Variants in TENM2 observed in about 807,000 individuals in gnomAD.
TENM2 encodes teneurin transmembrane protein 2.
A neutral mutation model predicts 245.2 loss-of-function variants in TENM2; 52 were observed. That is an observed-to-expected ratio of 0.21 (90% confidence interval 0.17 to 0.27). The LOEUF is 0.27. Ranked by LOEUF, TENM2 falls within the 10% of genes least tolerant of loss-of-function variation. The pLI, the probability that TENM2 is intolerant of heterozygous loss-of-function variation, is 1.00. For missense variants in TENM2, 3,046 were observed against 3,666.8 expected, an observed-to-expected ratio of 0.83 and a Z score of 4.37; for synonymous variants, 1,363 against 1,438.9, an observed-to-expected ratio of 0.95 and a Z score of 1.19.
intron 1 of TENM2, among the ~76,000 whole-genome samples, chr5:167,314,813 C>G (rs1034162442): frequency 6.6e-6 from 1 of 151,992 alleles, no homozygotes; most frequent in Non-Finnish European, 1.5e-5. Flanking sequence ...ATTTACCTGT[C>G]ACCCATTTCT....
At chr5:168,260,729 A>G (rs752476278) in intron 28 of TENM2, among the ~76,000 whole-genome samples, 9 of 152,214 alleles carry the variant, frequency 5.9e-5, no homozygotes, top group African/African-American at 1.2e-4. Flanking sequence ...TGCACTGCCT[A>G]TAAGATCATA....
chr5:167,608,639 A>T (rs1394347856), intron 2 of TENM2, among the ~76,000 whole-genome samples: 1 of 152,224 alleles, frequency 6.6e-6, no homozygotes, highest in Non-Finnish European at 1.5e-5. Context: ...CACATTTGTC[A>T]CAGGGAGTAA....
chr5:167,714,343 G>A (rs1004877300), intron 2 of TENM2, among the ~76,000 whole-genome samples: 8 of 152,190 alleles, frequency 5.3e-5, no homozygotes, highest in Admixed American at 5.2e-4. Context: ...ATTGGGGAGT[G>A]GGTTTACCCT....
intron 2 of TENM2, among the ~76,000 whole-genome samples, chr5:167,496,444 A>G (rs147981104): frequency 6.6e-6 from 1 of 152,250 alleles, no homozygotes; most frequent in East Asian, 1.9e-4. Flanking sequence ...ACAATCAGTT[A>G]GTAATCCTTT....
intron 19 of TENM2, among the ~76,000 whole-genome samples, chr5:168,209,407 G>A (rs965588509): frequency 3.9e-5 from 6 of 152,170 alleles, no homozygotes; most frequent in Admixed American, 3.9e-4. Flanking sequence ...AACATTGTAG[G>A]GCAGGAGCAT....
the TENM2 span, among the ~76,000 whole-genome samples, chr5:166,987,882 A>G: frequency 6.6e-6 from 1 of 152,198 alleles, no homozygotes; most frequent in Non-Finnish European, 1.5e-5. Flanking sequence ...CAAATGCTCC[A>G]TGGATGAAAA....
intron 1 of TENM2, chr5:167,302,993 C>T (rs183330464): frequency 8.0e-4 from 122 of 152,446 alleles, no homozygotes; most frequent in African/African-American, 2.8e-3. Flanking sequence ...TCCTTTGTCT[C>T]TACCAGAAAA....
intron 19 of TENM2, among the ~76,000 whole-genome samples, chr5:168,209,224 A>G (rs1004700253): frequency 6.6e-6 from 1 of 152,230 alleles, no homozygotes; most frequent in Admixed American, 6.5e-5. Flanking sequence ...GAAAATCTTT[A>G]TCAAGTTTCC....
intron 2 of TENM2, among the ~76,000 whole-genome samples, chr5:167,601,068 T>C (rs904694568): frequency 6.6e-6 from 1 of 152,256 alleles, no homozygotes; most frequent in African/African-American, 2.4e-5. Flanking sequence ...AGAAAAGCCC[T>C]GCCCGTGTGA....
chr5:167,527,940 T>G (rs1771232725), intron 2 of TENM2, among the ~76,000 whole-genome samples: 1 of 152,136 alleles, frequency 6.6e-6, no homozygotes, highest in South Asian at 2.1e-4. Flanking sequence ...CTGAAGCCTC[T>G]AGAGAAATTC....
intron 7 of TENM2, among the ~76,000 whole-genome samples, chr5:168,072,347 C>T (rs934061611): frequency 2.0e-5 from 3 of 152,234 alleles, no homozygotes; most frequent in East Asian, 3.9e-4. Context: ...CATTATGGCT[C>T]GCTTGGTCTT....
At chr5:167,301,741 C>T (rs1371892350) in intron 1 of TENM2, among the ~76,000 whole-genome samples, 1 of 152,116 alleles carries the variant, frequency 6.6e-6, no homozygotes. Context: ...GAAAAAGAGC[C>T]TAAACGCTAT....
intron 27 of TENM2, among the ~76,000 whole-genome samples, chr5:168,257,322 G>A (rs773162314): frequency 1.3e-5 from 2 of 152,200 alleles, no homozygotes; most frequent in African/African-American, 2.4e-5. Flanking sequence ...GGCAGGCAGA[G>A]TCTGAGCAAG....
At chr5:167,185,850 A>G in the TENM2 span, among the ~76,000 whole-genome samples, 1 of 151,924 alleles carries the variant, frequency 6.6e-6, no homozygotes, top group Admixed American at 6.6e-5. Context: ...CTCACTTCAG[A>G]TTTGAGGGTT....
chr5:167,736,656 C>T (rs964087601), intron 2 of TENM2, among the ~76,000 whole-genome samples: 8 of 148,752 alleles, frequency 5.4e-5, no homozygotes, highest in African/African-American at 1.5e-4. Context: ...CAGCCAGTCA[C>T]CTAGGACCTC....
At chr5:167,703,734 T>C (rs1190071399) in intron 2 of TENM2, among the ~76,000 whole-genome samples, 1 of 152,192 alleles carries the variant, frequency 6.6e-6, no homozygotes, top group Non-Finnish European at 1.5e-5. Flanking sequence ...CAAAAATGTA[T>C]AGTCTCATTG....
chr5:167,990,384 C>T (rs1783576419), intron 4 of TENM2, among the ~76,000 whole-genome samples: 2 of 152,304 alleles, frequency 1.3e-5, no homozygotes, highest in South Asian at 4.2e-4. Context: ...CTATGGGACA[C>T]ACCTTGGTTA....
chr5:167,122,455 C>A, the TENM2 span, among the ~76,000 whole-genome samples: 1 of 152,156 alleles, frequency 6.6e-6, no homozygotes, highest in Non-Finnish European at 1.5e-5. Flanking sequence ...GACCCCCACC[C>A]TCCCCGGGCT....
chr5:167,284,928 G>C, exon 1 of TENM2: 1 of 1,551,760 alleles, frequency 6.4e-7, no homozygotes, highest in Non-Finnish European at 8.7e-7. Context: ...GGACAGTGAG[G>C]ACTGCCGCGT....
Sources: gnomAD v4.1 joint callset for allele counts (sites outside exome capture counted in the v4.1 genomes callset) on GRCh38, gnomAD v4.1.1 for gene constraint, MANE v1.5 for transcripts, NCBI Gene and HGNC (gene_info 2026-07-23, HGNC 2026-07-21) for gene names.